Variants in NUGGC observed in about 807,000 individuals in gnomAD.
NUGGC encodes nuclear GTPase, germinal center associated, also known as nuclear GTPase SLIP-GC.
In NUGGC, 58 loss-of-function variants were observed where a neutral mutation model predicts 92.6. The ratio of observed to expected loss-of-function variants is 0.63; its 90% confidence interval spans 0.51 to 0.78. NUGGC has a LOEUF of 0.78. Ranked by LOEUF, NUGGC falls within the 30% of genes least tolerant of loss-of-function variation. NUGGC has a pLI of 0.00. For missense variants in NUGGC, 925 were observed against 964.6 expected (o/e 0.96, Z 0.54); for synonymous variants, 376 against 366.4 (o/e 1.03, Z -0.30).
At chr8:28,056,911 G>T (rs1415714848) in intron 9 of NUGGC, among the ~76,000 whole-genome samples, 1 of 152,176 alleles carries the variant, frequency 6.6e-6, no homozygotes, top group Non-Finnish European at 1.5e-5. Context: ...CCTGTTGCTG[G>T]TGTGGTGAGC....
chr8:28,070,132 A>G, intron 3 of NUGGC, 120 bp downstream of exon 3: 2 of 1,450,462 alleles, frequency 1.4e-6, no homozygotes, highest in South Asian at 1.5e-5. Flanking sequence ...CTCTCTTTCC[A>G]AAACAGGTTT....
intron 6 of NUGGC, among the ~76,000 whole-genome samples, chr8:28,066,512 T>C (rs890476303): frequency 5.3e-5 from 8 of 152,192 alleles, no homozygotes; most frequent in East Asian, 1.9e-4. Context: ...CAGGAGATCA[T>C]TGAACATTTA....
In NUGGC at chr8:28,023,035, A is replaced by G; in HGVS notation, c.*282T>C. 1 of 247,424 alleles carries G rather than the reference A, an allele frequency of 4.0e-6. No individual in the cohort carries two copies. The highest frequency in any genetic ancestry group is 8.1e-5 in the East Asian group (1 of 12,276). The allele number at this position is 247,424 out of a possible 1,614,324, so 15.3% of individuals were successfully genotyped here. A position where few individuals can be genotyped will look rare whatever the true frequency, so the allele number is the denominator to read the frequency against. On this transcript the variant is annotated 3_prime_UTR_variant, in exon 19 of 19. Transcript: ENST00000413272. Reference sequence around the variant, plus strand: ...CAGTGAGCCGAGATTGCACCACTGCATTCCAGCCTGGGTGACACAGCGAGA... The same window carrying G: ...CAGTGAGCCGAGATTGCACCACTGCGTTCCAGCCTGGGTGACACAGCGAGA...
chr8:28,067,533 A>T lies in NUGGC; in HGVS notation c.692T>A (p.Ile231Asn), dbSNP rs750709442. Residue 231 changes from isoleucine to asparagine, a missense_variant, in exon 6 of 19, where the codon ATC becomes AAC. Physicochemically the swap from Ile to Asn is moderately radical, Grantham distance 149. Coordinates refer to ENST00000413272, the MANE Select transcript of NUGGC (RefSeq NM_001010906.2). ...PKRKIPTSRV[I>N]TLKAEEAEEL... ...CGCTACCTCTTCCGCCTTGAGGGTG[A>T]TGACTCTGGAGGTGGGGATCTTCCT... The T allele has an allele frequency of 2.8e-5, 45 of 1,609,448 alleles. No homozygotes were observed. The highest frequency in any genetic ancestry group is 8.5e-6 in the Non-Finnish European group (10 of 1,177,838).
chr8:28,072,881 T>G (rs1447052132), intron 2 of NUGGC, among the ~76,000 whole-genome samples: 1 of 151,984 alleles, frequency 6.6e-6, no homozygotes, highest in African/African-American at 2.4e-5. Context: ...TTGGGGTGGA[T>G]AGCGGCAGTC....
chr8:28,041,405 T>A (rs1563218316), intron 12 of NUGGC, among the ~76,000 whole-genome samples, 190 bp from the exon 13 acceptor site: 1 of 152,236 alleles, frequency 6.6e-6, no homozygotes, highest in African/African-American at 2.4e-5. Context: ...GGTTAGAGAA[T>A]AGAACAAATA....
chr8:28,082,258 G>A (rs555640998), intron 1 of NUGGC, among the ~76,000 whole-genome samples: 9 of 152,214 alleles, frequency 5.9e-5, no homozygotes, highest in Non-Finnish European at 1.2e-4. Flanking sequence ...AGAAGCAGTC[G>A]TAGTAGAAGG....
intron 2 of NUGGC, 42 bp from the exon 3 acceptor site, chr8:28,070,398 G>C: frequency 9.0e-7 from 1 of 1,109,736 alleles, no homozygotes. Context: ...AGGTGTTGGG[G>C]TATGGTATTC....
Position 28,030,205 on chromosome 8 carries a change from G to C in NUGGC, c.2017+105C>G, listed in dbSNP as rs7829031. 0.89 allele frequency: 604,697 copies of C among 680,734 alleles called. 270,044 individuals are homozygous for C. Among genetic ancestry groups the C allele is most frequent in the Admixed American group, 0.92 (44,360 of 48,192 alleles). 42.2% of individuals were successfully genotyped at this position (680,734 alleles called of 1,614,324 possible). ...GGACTGAGAGTGCTGCAAAGTCTTA[G>C]GGTGCAAGAGAACAGGGCCTTTGAG... On this transcript the variant is annotated intron_variant, in intron 16 of 18. Coordinates refer to ENST00000413272, the MANE Select transcript of NUGGC (RefSeq NM_001010906.2).
intron 18 of NUGGC, 71 bp from the exon 19 acceptor site, chr8:28,023,533 C>T (rs963123842): frequency 1.1e-4 from 159 of 1,438,764 alleles, no homozygotes; most frequent in Non-Finnish European, 1.4e-4. Flanking sequence ...AAGCAAATCC[C>T]CCAACAATCC....
At chr8:28,024,741 G>A (rs1328579338) in intron 18 of NUGGC, among the ~76,000 whole-genome samples, 3 of 152,064 alleles carry the variant, frequency 2.0e-5, no homozygotes, top group Non-Finnish European at 4.4e-5. Context: ...TTTTTGTTCT[G>A]TCCCATATCT....
In NUGGC at chr8:28,069,665, G is replaced by A; in HGVS notation, c.149-13C>T. 6.8e-7 allele frequency: 1 copy of A among 1,472,190 alleles called. No individual in the cohort carries two copies. The allele number at this position is 1,472,190 out of a possible 1,614,324, so 91.2% of individuals were successfully genotyped here. ...TCCAATTTTTCATCTGGAATTAACA[G>A]AGAGATGTCACCTGCAGGTACCTGG... On this transcript the variant is annotated splice_polypyrimidine_tract_variant and intron_variant, in intron 3 of 18. Transcript: ENST00000413272.
At chr8:28,047,440 G>T in intron 11 of NUGGC, 67 bp downstream of exon 11, 1 of 1,028,792 alleles carries the variant, frequency 9.7e-7, no homozygotes, top group Non-Finnish European at 1.4e-6. Context: ...TTCTAGAGCA[G>T]GAAATTCGAA....
chr8:28,049,667 T>A (rs758793055), intron 10 of NUGGC, among the ~76,000 whole-genome samples: 10 of 152,264 alleles, frequency 6.6e-5, no homozygotes, highest in South Asian at 2.1e-4. Context: ...CATTAAATTA[T>A]GCAACAGAAA....
chr8:28,082,214 G>A (rs10112488), intron 1 of NUGGC, among the ~76,000 whole-genome samples: 7,355 of 152,160 alleles, frequency 0.048, 608 homozygotes, highest in African/African-American at 0.17. Context: ...TTAACACATC[G>A]GCTAATGTGT....
At chr8:28,083,310 C>T (rs1345932727) in intron 1 of NUGGC, among the ~76,000 whole-genome samples, 2 of 152,154 alleles carry the variant, frequency 1.3e-5, no homozygotes, top group African/African-American at 4.8e-5. Flanking sequence ...TTCCCCAAAA[C>T]CCATAACTCC....
intron 1 of NUGGC, among the ~76,000 whole-genome samples, chr8:28,082,042 T>C (rs1280445099): frequency 6.6e-6 from 1 of 152,216 alleles, no homozygotes; most frequent in Non-Finnish European, 1.5e-5. Flanking sequence ...TAGGTTTAAG[T>C]AACTTTGGTG....
chr8:28,039,543 T>C (rs1321271618), intron 13 of NUGGC, among the ~76,000 whole-genome samples: 1 of 152,144 alleles, frequency 6.6e-6, no homozygotes, highest in South Asian at 2.1e-4. Context: ...CATCTAGACA[T>C]TTAAACAAGC....
intron 4 of NUGGC, 149 bp downstream of exon 4, chr8:28,069,395 T>C: frequency 1.2e-5 from 7 of 582,100 alleles, no homozygotes; most frequent in Non-Finnish European, 6.1e-6. Flanking sequence ...GCTCAATGAA[T>C]GGCAACTATC....
Sources: gnomAD v4.1 joint callset for allele counts (sites outside exome capture counted in the v4.1 genomes callset) on GRCh38, gnomAD v4.1.1 for gene constraint, MANE v1.5 for transcripts, NCBI Gene and HGNC (gene_info 2026-07-23, HGNC 2026-07-21) for gene names.